WDR59: variants seen among roughly 807,000 people sequenced by gnomAD.
WDR59 encodes GATOR2 complex protein WDR59.
Under a neutral mutation model 131.2 loss-of-function variants are expected in WDR59, and 100 were observed. The ratio of observed to expected loss-of-function variants is 0.76; its 90% CI spans 0.65 to 0.90. WDR59 has a LOEUF of 0.90. Among genes scored for constraint, WDR59 ranks in the 40% least tolerant of loss-of-function variants. WDR59 has a pLI of 0.00. For synonymous variants in WDR59, 601 were observed against 466.2 expected, an observed-to-expected ratio of 1.29 and a Z score of -3.72; for missense variants, 1,203 against 1,262.2, an observed-to-expected ratio of 0.95 and a Z score of 0.71.
intron 2 of WDR59, among the ~76,000 whole-genome samples, chr16:74,964,221 A>T (rs1398105207): frequency 6.6e-6 from 1 of 152,082 alleles, no homozygotes; most frequent in Admixed American, 6.6e-5. Flanking sequence ...TCTACTAAAA[A>T]TACAAAAATT....
At chr16:74,951,338 A>C in intron 4 of WDR59, 120 bp downstream of exon 4, 34 of 909,798 alleles carry the variant, frequency 3.7e-5, no homozygotes, top group Non-Finnish European at 5.6e-5. Context: ...CCCGCTGACC[A>C]CCCGGGACCT....
intron 8 of WDR59, among the ~76,000 whole-genome samples, chr16:74,924,281 G>C (rs922654675): frequency 6.6e-6 from 1 of 152,212 alleles, no homozygotes; most frequent in African/African-American, 2.4e-5. Context: ...GACCTTTAGA[G>C]CTGAAAATTC....
intron 2 of WDR59, 140 bp downstream of exon 2, chr16:74,965,633 C>T (rs1360913611): frequency 2.0e-6 from 2 of 982,882 alleles, no homozygotes; most frequent in East Asian, 2.4e-5. Context: ...CTCCGAGTAG[C>T]CCTGAGGCAA....
At chr16:74,924,285 A>G (rs1274902829) in intron 8 of WDR59, among the ~76,000 whole-genome samples, 1 of 152,240 alleles carries the variant, frequency 6.6e-6, no homozygotes, top group Non-Finnish European at 1.5e-5. Flanking sequence ...TTTAGAGCTG[A>G]AAATTCAGAG....
At chr16:74,971,609 T>C (rs948347502) in intron 1 of WDR59, among the ~76,000 whole-genome samples, 1 of 151,908 alleles carries the variant, frequency 6.6e-6, no homozygotes, top group Non-Finnish European at 1.5e-5. Flanking sequence ...TTTTTTGTAT[T>C]TTTAATAGAG....
chr16:74,971,231 C>T (rs1228362703), intron 1 of WDR59, among the ~76,000 whole-genome samples: 1 of 151,934 alleles, frequency 6.6e-6, no homozygotes, highest in Non-Finnish European at 1.5e-5. Context: ...TCATTCGTTT[C>T]GTTAATACCT....
At position 74,951,466 on chromosome 16, in the gene WDR59, A is replaced by C; in HGVS notation, c.318T>G (p.Arg106=). The C allele has an allele frequency of 6.3e-7, 1 of 1,598,452 alleles. No individual in the cohort carries two copies. ...EVGTTLQGHT[R]VISDLDWAVF... ...GGAGGGCTGGTGCCTACCTGATGAC[A>C]CGAGTGTGGCCTTGTAAGGTTGTGC... The change falls in exon 4 of 26, where the codon CGT becomes CGG. Residue 106 remains arginine, a synonymous_variant. Transcript: ENST00000262144.
intron 13 of WDR59, among the ~76,000 whole-genome samples, chr16:74,913,507 T>A (rs1298279986): frequency 1.3e-5 from 2 of 152,040 alleles, no homozygotes; most frequent in Non-Finnish European, 2.9e-5. Context: ...GCCAGGCTGG[T>A]CTCAAACTCC....
chr16:74,941,558 G>T (rs2032227067), intron 7 of WDR59, among the ~76,000 whole-genome samples: 1 of 152,008 alleles, frequency 6.6e-6, no homozygotes, highest in Non-Finnish European at 1.5e-5. Context: ...GCTGGGCGTG[G>T]TGGTGTGCAC....
intron 2 of WDR59, among the ~76,000 whole-genome samples, chr16:74,964,392 G>T (rs369836166): frequency 8.9e-6 from 1 of 111,738 alleles, no homozygotes. Flanking sequence ...AAAAAAAAAA[G>T]AGCAGGGAGC....
chr16:74,886,445 G>GA, intron 23 of WDR59, 49 bp from the exon 24 acceptor site: 1 of 1,600,068 alleles, frequency 6.2e-7, no homozygotes. Context: ...AGAAGGCATG[G>GA]AAAATATCTG....
intron 11 of WDR59, 130 bp downstream of exon 11, chr16:74,917,799 A>T: frequency 7.3e-5 from 49 of 673,264 alleles, no homozygotes; most frequent in Non-Finnish European, 1.0e-4. Context: ...ATTCAGTGAG[A>T]CGCACTCTCA....
In WDR59 at chr16:74,915,924, G is replaced by T. The variant is rs377551844; in HGVS notation, c.1170C>A (p.Thr390=). The change falls in exon 13 of 26, where the codon ACC becomes ACA. Residue 390 remains threonine, a synonymous_variant. Transcript: ENST00000262144. ...RKSDQLGLPQ[T]LQQEFSLINV... ...TGATCAGGGAGAATTCCTGCTGCAA[G>T]GTCTGAGGCAGCCCCAGTTGATCTG... 3 of 1,614,204 alleles carry T rather than the reference G, an allele frequency of 1.9e-6. No individual in the cohort carries two copies. The highest frequency in any genetic ancestry group is 1.7e-5 in the Admixed American group (1 of 60,022).
At chr16:74,917,665 C>T (rs975881892) in intron 11 of WDR59, among the ~76,000 whole-genome samples, 16 of 151,752 alleles carry the variant, frequency 1.1e-4, no homozygotes, top group African/African-American at 3.4e-4. Context: ...AAAAATTAGC[C>T]GAGTGTGTTG....
Position 74,956,622 on chromosome 16 carries a change from C to T in WDR59, c.105-12G>A, listed in dbSNP as rs571316622. ...ATAAGAATCTGCGGCTAGAGACCAA[C>T]ATCAACATTATAATAGTATAAAAAC... On this transcript the variant is annotated splice_polypyrimidine_tract_variant and intron_variant, in intron 2 of 25. Transcript: ENST00000262144. 8.7e-6 allele frequency: 14 copies of T among 1,613,510 alleles called. No homozygotes were observed. The East Asian group carries it at 1.3e-4, about 15-fold the overall frequency.
chr16:74,948,335 C>T (rs1431327442), intron 6 of WDR59, among the ~76,000 whole-genome samples, 184 bp downstream of exon 6: 1 of 152,214 alleles, frequency 6.6e-6, no homozygotes, highest in African/African-American at 2.4e-5. Flanking sequence ...CTTCTGGGAG[C>T]AGCCTAAAGT....
chr16:74,981,657 TATA>T lies in WDR59; in HGVS notation c.54+3304_54+3306del, dbSNP rs1270639651. 1.7e-3 allele frequency among the ~76,000 whole-genome samples: 25 copies of T among 14,562 alleles called. 1 individual carries two copies. The highest frequency in any genetic ancestry group is 4.8e-3 in the African/African-American group (24 of 4,980). The allele number at this position is 14,562 out of a possible 152,430, so 9.6% of individuals were successfully genotyped here. On this transcript the variant is annotated intron_variant, in intron 1 of 25. Coordinates refer to ENST00000262144, the MANE Select transcript of WDR59 (RefSeq NM_030581.4). ...ATATATATATATATATATATATATA[TATA>T]TTTTTTTTTTTTTTAGATGGAGTCT...
chr16:74,882,807 C>CAAAAAAAAAAAAAAA (rs569507124), intron 25 of WDR59, among the ~76,000 whole-genome samples: 12 of 51,410 alleles, frequency 2.3e-4, no homozygotes, highest in East Asian at 1.5e-3. Flanking sequence ...AACACTGTCT[C>CAAAAAAAAAAAAAAA]AAAAAAAAAA....
At chr16:74,908,251 T>C (rs1210842503) in intron 17 of WDR59, among the ~76,000 whole-genome samples, 2 of 151,974 alleles carry the variant, frequency 1.3e-5, no homozygotes, top group Non-Finnish European at 2.9e-5. Flanking sequence ...ACCCTATCTC[T>C]ACAAAAAATT....
Sources: allele counts gnomAD v4.1 joint callset (sites outside exome capture counted in the v4.1 genomes callset), GRCh38; gene constraint gnomAD v4.1.1; transcripts MANE v1.5; gene names NCBI Gene and HGNC (gene_info 2026-07-23, HGNC 2026-07-21).